Variants in ABCA13 observed in about 807,000 individuals in gnomAD.
ABCA13 encodes ATP-binding cassette sub-family A member 13.
Under a neutral mutation model 478.7 loss-of-function variants are expected in ABCA13, and 476 were observed. The ratio of observed to expected loss-of-function variants is 0.99; its 90% CI spans 0.92 to 1.07. ABCA13 has a LOEUF of 1.07. Ranked by LOEUF, ABCA13 falls within the 50% of genes least tolerant of loss-of-function variation. The probability of loss-of-function intolerance (pLI) is 0.00; values close to 1 mark genes in which losing one functional copy is unlikely to be tolerated. For synonymous variants in ABCA13, 2,252 were observed against 2,158.9 expected (o/e 1.04, Z -1.20); for missense variants, 6,060 against 5,910.6 (o/e 1.03, Z -0.83).
At chr7:48,330,998 T>C (rs1805307906) in intron 27 of ABCA13, among the ~76,000 whole-genome samples, 1 of 152,192 alleles carries the variant, frequency 6.6e-6, no homozygotes, top group Non-Finnish European at 1.5e-5. Flanking sequence ...CCTTTTCAAA[T>C]CTTCAAATTC....
intron 43 of ABCA13, among the ~76,000 whole-genome samples, chr7:48,456,273 C>G (rs1825663766): frequency 6.6e-6 from 1 of 152,192 alleles, no homozygotes; most frequent in Non-Finnish European, 1.5e-5. Context: ...TAAGAGCCTA[C>G]TAATATGTGT....
rs868313722 is a variant in ABCA13 at position 48,245,911 on chromosome 7, G to A, written c.1540G>A (p.Glu514Lys). ...VCPNGRFSEK[E>K]VFLPPGNSSI... The stretch of plus-strand genomic sequence containing the variant: ...CCCGAATGGTCGTTTCTCTGAGAAG[G>A]AGGTCTTTTTGCCGCCTGGAAACTC... Residue 514 changes from glutamate (E) to lysine (K), a missense_variant, in exon 13 of 62, where the codon GAG becomes AAG. Physicochemically the swap from Glu to Lys is moderately conservative, Grantham distance 56. Transcript: ENST00000435803. 6.2e-7 allele frequency: 1 copy of A among 1,613,688 alleles called. No homozygotes were observed. Among genetic ancestry groups the A allele is most frequent in the Non-Finnish European group, 8.5e-7 (1 of 1,179,788 alleles).
Position 48,410,824 on chromosome 7 carries a change from C to T in ABCA13, c.12228+147C>T, listed in dbSNP as rs1818914290. The T allele has an allele frequency of 2.5e-6, 3 of 1,184,502 alleles. No homozygotes were observed. The South Asian group carries it at 4.6e-5, about 18-fold the overall frequency. The allele number at this position is 1,184,502 out of a possible 1,614,324, so 73.4% of individuals were successfully genotyped here. On this transcript the variant is annotated intron_variant, in intron 40 of 61. Coordinates refer to ENST00000435803, the MANE Select transcript of ABCA13 (RefSeq NM_152701.5). ...CATGCCAAAATAAGTGGCCCCAGGCCTGTGCAGGGAGCAAGCCTCTGGGAA... is the reference window on the plus strand; with the variant it reads ...CATGCCAAAATAAGTGGCCCCAGGCTTGTGCAGGGAGCAAGCCTCTGGGAA...
rs565022382 is a variant in ABCA13 at position 48,369,045 on chromosome 7, C to T, written c.10803+1137C>T. On this transcript the variant is annotated intron_variant, in intron 32 of 61. Coordinates refer to ENST00000435803, the MANE Select transcript of ABCA13 (RefSeq NM_152701.5). ...CAGTGTAACAGTGTTCCTTTTTCAC[C>T]GCATCCATGCCAACATCGATTATTT... 1.6e-4 allele frequency among the ~76,000 whole-genome samples: 24 copies of T among 151,994 alleles called. No individual in the cohort carries two copies. The South Asian group carries it at 4.4e-3, about 28-fold the overall frequency.
intron 40 of ABCA13, 64 bp from the exon 41 acceptor site, chr7:48,412,289 C>A: frequency 8.1e-7 from 1 of 1,233,916 alleles, no homozygotes; most frequent in South Asian, 1.5e-5. Context: ...TACATGAAAT[C>A]AATTGATGTA....
intron 23 of ABCA13, among the ~76,000 whole-genome samples, chr7:48,309,337 C>T (rs1328899034): frequency 6.6e-6 from 1 of 152,028 alleles, no homozygotes; most frequent in Non-Finnish European, 1.5e-5. Context: ...ATGTCCTTAA[C>T]TGAAAAGCAT....
intron 38 of ABCA13, among the ~76,000 whole-genome samples, chr7:48,394,897 G>T (rs1310658257): frequency 6.6e-6 from 1 of 152,078 alleles, no homozygotes; most frequent in Non-Finnish European, 1.5e-5. Flanking sequence ...AAGCTCTACT[G>T]GGGGGTGTGT....
intron 57 of ABCA13, among the ~76,000 whole-genome samples, chr7:48,588,192 A>T (rs957837995): frequency 6.6e-6 from 1 of 152,204 alleles, no homozygotes; most frequent in Non-Finnish European, 1.5e-5. Context: ...CTTTTTAGGT[A>T]CCATAAATTT....
At position 48,273,126 on chromosome 7, in the gene ABCA13, T is replaced by G. The variant is rs181907450; in HGVS notation, c.3460T>G (p.Trp1154Gly). Residue 1154 changes from tryptophan to glycine, a missense_variant, in exon 17 of 62, where the codon TGG becomes GGG. By Grantham distance (184) the Trp-to-Gly change is radical. Coordinates refer to ENST00000435803, the MANE Select transcript of ABCA13 (RefSeq NM_152701.5). ...IHCTVSWLQM[W>G]TEIWETISQL... ...CTGTACCGTTTCATGGCTTCAAATG[T>G]GGACTGAAATCTGGGAAACCATATC... 3,770 of 1,613,710 alleles carry G rather than the reference T, an allele frequency of 2.3e-3. 5 individuals carry two copies. The highest frequency in any genetic ancestry group is 2.8e-3 in the Non-Finnish European group (3,301 of 1,179,744).
At chr7:48,335,315 G>A (rs1806078035) in intron 27 of ABCA13, 107 bp from the exon 28 acceptor site, 1 of 693,904 alleles carries the variant, frequency 1.4e-6, no homozygotes, top group Admixed American at 3.3e-5. Flanking sequence ...CTGGCCTGCA[G>A]GCAGATCTTT....
chr7:48,360,304 G>A lies in ABCA13; in HGVS notation c.10689-7490G>A, dbSNP rs546840680. The stretch of plus-strand genomic sequence containing the variant: ...ACATGGAGTGTTTGGTTTTCTGTCC[G>A]TGTGATAGTTTGCTCAGAATGATGG... On this transcript the variant is annotated intron_variant, in intron 31 of 61. Transcript: ENST00000435803. Among the ~76,000 whole-genome samples, 270 of 151,098 alleles carry A rather than the reference G, an allele frequency of 1.8e-3. 7 individuals are homozygous for A. Among genetic ancestry groups the A allele is most frequent in the African/African-American group, 6.3e-3 (258 of 40,916 alleles).
chr7:48,616,869 T>A (rs115824550), intron 59 of ABCA13, among the ~76,000 whole-genome samples: 9 of 151,998 alleles, frequency 5.9e-5, no homozygotes, highest in African/African-American at 2.2e-4. Context: ...AAACATTTTT[T>A]AAAAATTAAT....
chr7:48,410,977 CTCTTTCTTTCTTTCTT>C (rs551665857), intron 40 of ABCA13, among the ~76,000 whole-genome samples: 2,041 of 104,642 alleles, frequency 0.02, 53 homozygotes, highest in African/African-American at 0.035. Flanking sequence ...AAATTCTTTT[CTCTTTCTTTCTTTCTT>C]TCTTTCTTTC....
At chr7:48,532,685 G>C (rs1833319764) in intron 55 of ABCA13, among the ~76,000 whole-genome samples, 1 of 151,942 alleles carries the variant, frequency 6.6e-6, no homozygotes. Flanking sequence ...CTTGCTGCTT[G>C]TTATTGGTCT....
chr7:48,405,106 C>G (rs977816319), intron 39 of ABCA13, among the ~76,000 whole-genome samples: 1 of 152,222 alleles, frequency 6.6e-6, no homozygotes, highest in African/African-American at 2.4e-5. Flanking sequence ...CTTTTCATGC[C>G]CATGAACTTT....
At chr7:48,482,882 C>T (rs895425218) in intron 46 of ABCA13, among the ~76,000 whole-genome samples, 194 bp from the exon 47 acceptor site, 1 of 152,206 alleles carries the variant, frequency 6.6e-6, no homozygotes, top group South Asian at 2.1e-4. Context: ...TTCCGTTTTG[C>T]CTGGCTTGGG....
intron 51 of ABCA13, among the ~76,000 whole-genome samples, chr7:48,516,096 T>C (rs1832086168): frequency 6.6e-6 from 1 of 152,194 alleles, no homozygotes; most frequent in South Asian, 2.1e-4. Context: ...GTAAAGTTCA[T>C]TTCTGTTCAC....
intron 10 of ABCA13, 86 bp from the exon 11 acceptor site, chr7:48,244,484 GGAATAT>G: frequency 7.0e-7 from 1 of 1,437,560 alleles, no homozygotes; most frequent in Middle Eastern, 1.9e-4. Flanking sequence ...TCAAAGCAGT[GGAATAT>G]TTTCCTTTGA....
At chr7:48,231,685 G>A (rs377483856) in intron 7 of ABCA13, among the ~76,000 whole-genome samples, 1 of 143,426 alleles carries the variant, frequency 7.0e-6, no homozygotes, top group Admixed American at 7.2e-5. Flanking sequence ...TATTAGAGAT[G>A]GAGTCTCGCT....
Sources: allele counts gnomAD v4.1 joint callset (sites outside exome capture counted in the v4.1 genomes callset), GRCh38; gene constraint gnomAD v4.1.1; transcripts MANE v1.5; gene names NCBI Gene and HGNC (gene_info 2026-07-23, HGNC 2026-07-21).